The following CHCHD3 variants were observed in gnomAD, a reference collection of about 807,000 sequenced individuals.
CHCHD3 encodes coiled-coil-helix-coiled-coil-helix domain containing 3.
A neutral mutation model predicts 38.2 loss-of-function variants in CHCHD3; 20 were observed. The ratio of observed to expected loss-of-function variants is 0.52; its 90% confidence interval spans 0.37 to 0.76. The LOEUF is 0.76. CHCHD3 is among the 30% of genes least tolerant of loss of function. CHCHD3 has a pLI of 0.00. For synonymous variants in CHCHD3, 82 were observed against 100.0 expected (o/e 0.82, Z 1.07); for missense variants, 245 against 279.2 (o/e 0.88, Z 0.87).
chr7:132,819,933 A>G (rs997839724), intron 6 of CHCHD3, among the ~76,000 whole-genome samples: 1 of 152,242 alleles, frequency 6.6e-6, no homozygotes, highest in African/African-American at 2.4e-5. Flanking sequence ...AAAGATGGCA[A>G]AAGATCAGCC....
At chr7:132,861,283 A>G (rs1808484404) in intron 5 of CHCHD3, among the ~76,000 whole-genome samples, 1 of 152,142 alleles carries the variant, frequency 6.6e-6, no homozygotes, top group South Asian at 2.1e-4. Context: ...TACCTCTGCT[A>G]TTCTTTGGAG....
At position 132,838,414 on chromosome 7, in the gene CHCHD3, A is replaced by G. The variant is rs1398124448; in HGVS notation, c.509T>C (p.Val170Ala). The G allele has an allele frequency of 2.5e-6, 4 of 1,611,174 alleles. No homozygotes were observed. In the South Asian group the frequency reaches 3.3e-5, roughly 13 times the overall value. Reference protein sequence around the residue: ...TEQYQKAAEEVEAKFKRYESH... With the variant: ...TEQYQKAAEEAEAKFKRYESH... Reference sequence around the variant, plus strand: ...AAAAACTTACTTGAACTTTGCTTCCACCTCTTCAGCAGCTTTCTGATATTG... The same window carrying G: ...AAAAACTTACTTGAACTTTGCTTCCGCCTCTTCAGCAGCTTTCTGATATTG... The change falls in exon 6 of 8, where the codon GTG becomes GCG. Residue 170 changes from valine to alanine, a missense_variant. Transcript: ENST00000262570.
At chr7:133,013,630 G>A (rs770521166) in intron 3 of CHCHD3, among the ~76,000 whole-genome samples, 13 of 152,110 alleles carry the variant, frequency 8.5e-5, no homozygotes, top group Admixed American at 2.0e-4. Flanking sequence ...CAGATAGACG[G>A]TCTACTTGAA....
At chr7:132,855,189 T>C (rs1049838409) in intron 5 of CHCHD3, among the ~76,000 whole-genome samples, 1 of 152,212 alleles carries the variant, frequency 6.6e-6, no homozygotes, top group East Asian at 1.9e-4. Flanking sequence ...ATTATAGTTC[T>C]TTCAGTACAA....
chr7:132,930,188 C>T (rs1426325271), intron 4 of CHCHD3, among the ~76,000 whole-genome samples: 1 of 117,134 alleles, frequency 8.5e-6, no homozygotes, highest in African/African-American at 3.1e-5. Context: ...TTTTTTGAGA[C>T]AGGAGTCTCG....
At chr7:133,013,273 C>T (rs548114410) in intron 3 of CHCHD3, among the ~76,000 whole-genome samples, 1 of 147,898 alleles carries the variant, frequency 6.8e-6, no homozygotes, top group South Asian at 2.2e-4. Context: ...CTCTGAAACA[C>T]AGTCTGATCG....
At chr7:132,806,990 T>G (rs1475442213) in intron 6 of CHCHD3, among the ~76,000 whole-genome samples, 2 of 152,148 alleles carry the variant, frequency 1.3e-5, no homozygotes, top group Admixed American at 1.3e-4. Context: ...TGAAGGATAT[T>G]ACAAAATGAG....
intron 3 of CHCHD3, among the ~76,000 whole-genome samples, chr7:132,983,691 T>C (rs1482972144): frequency 1.3e-5 from 2 of 152,130 alleles, no homozygotes; most frequent in African/African-American, 4.8e-5. Flanking sequence ...AAAGTGTCAC[T>C]AGTGATGCTA....
intron 2 of CHCHD3, among the ~76,000 whole-genome samples, chr7:133,044,747 A>C (rs1355598239): frequency 6.6e-6 from 1 of 152,272 alleles, no homozygotes; most frequent in Admixed American, 6.5e-5. Context: ...AAGGGAGAGA[A>C]TGTATATGGC....
intron 3 of CHCHD3, among the ~76,000 whole-genome samples, chr7:133,007,197 G>T (rs1812723115): frequency 6.6e-6 from 1 of 152,144 alleles, no homozygotes; most frequent in Non-Finnish European, 1.5e-5. Flanking sequence ...TACAGGTGGG[G>T]TAATGATAAA....
intron 5 of CHCHD3, among the ~76,000 whole-genome samples, chr7:132,845,555 TCAAACCAA>T (rs1191445978): frequency 1.1e-4 from 17 of 152,110 alleles, no homozygotes; most frequent in African/African-American, 4.1e-4. Context: ...TATAAAAAAA[TCAAACCAA>T]TAACATTTGA....
chr7:132,874,881 C>T (rs1808856935), intron 5 of CHCHD3, among the ~76,000 whole-genome samples: 2 of 152,090 alleles, frequency 1.3e-5, no homozygotes, highest in Admixed American at 6.5e-5. Context: ...CCCAGAGCAC[C>T]GCACCTTTAG....
chr7:132,921,615 AAT>A (rs1314739592), intron 4 of CHCHD3, among the ~76,000 whole-genome samples: 1 of 148,018 alleles, frequency 6.8e-6, no homozygotes, highest in African/African-American at 2.5e-5. Flanking sequence ...ACAAAACAGA[AAT>A]ATATGACACA....
intron 4 of CHCHD3, among the ~76,000 whole-genome samples, chr7:132,955,176 GTGTGTGTGTGT>G (rs1811131049): frequency 7.2e-6 from 1 of 139,422 alleles, no homozygotes; most frequent in African/African-American, 3.1e-5. Context: ...CTCAGAGGGT[GTGTGTGTGTGT>G]GTGTGTGTGT....
chr7:133,013,003 T>C (rs1812924061), intron 3 of CHCHD3, among the ~76,000 whole-genome samples: 1 of 151,606 alleles, frequency 6.6e-6, no homozygotes, highest in South Asian at 2.1e-4. Flanking sequence ...CTGGCCAACA[T>C]GATGAAACCC....
chr7:132,897,846 T>C (rs1156387131), intron 4 of CHCHD3, among the ~76,000 whole-genome samples: 3 of 151,882 alleles, frequency 2.0e-5, no homozygotes, highest in Non-Finnish European at 4.4e-5. Flanking sequence ...GGGTTCTTGG[T>C]CTCACTGACT....
chr7:133,028,013 A>G (rs915556617), intron 2 of CHCHD3, among the ~76,000 whole-genome samples: 1 of 152,144 alleles, frequency 6.6e-6, no homozygotes, highest in African/African-American at 2.4e-5. Flanking sequence ...CAAGGTAATG[A>G]TTTTCATACT....
At chr7:133,073,547 T>C (rs939373990) in intron 1 of CHCHD3, among the ~76,000 whole-genome samples, 9 of 152,112 alleles carry the variant, frequency 5.9e-5, no homozygotes, top group Admixed American at 3.3e-4. Flanking sequence ...CCTGCCTTCC[T>C]TACCTCATTA....
intron 3 of CHCHD3, among the ~76,000 whole-genome samples, chr7:133,004,678 G>C (rs1812654960): frequency 6.6e-6 from 1 of 152,170 alleles, no homozygotes; most frequent in Admixed American, 6.5e-5. Flanking sequence ...GATAAGAGAG[G>C]AGAAAGGCAA....
Sources: allele counts gnomAD v4.1 joint callset (sites outside exome capture counted in the v4.1 genomes callset), GRCh38; gene constraint gnomAD v4.1.1; transcripts MANE v1.5; gene names NCBI Gene and HGNC (gene_info 2026-07-23, HGNC 2026-07-21).